PRMT9: variants seen among roughly 807,000 people sequenced by gnomAD.
The protein encoded by PRMT9 is protein arginine methyltransferase 9, also known as protein arginine N-methyltransferase 9.
In PRMT9, 59 loss-of-function variants were observed where a neutral mutation model predicts 83.2. That is an observed-to-expected ratio of 0.71 (90% CI 0.57 to 0.88). The LOEUF (loss-of-function observed/expected upper bound fraction) is 0.88, where lower values mean the gene tolerates loss of function less well. Ranked by LOEUF, PRMT9 falls within the 40% of genes least tolerant of loss-of-function variation. PRMT9 has a pLI of 0.00. For missense variants in PRMT9, 947 were observed against 1,021.9 expected, an observed-to-expected ratio of 0.93 and a Z score of 1.00; for synonymous variants, 333 against 353.2, an observed-to-expected ratio of 0.94 and a Z score of 0.64.
intron 8 of PRMT9, 38 bp downstream of exon 8, chr4:147,657,754 A>T: frequency 1.3e-6 from 2 of 1,522,646 alleles, no homozygotes; most frequent in Middle Eastern, 1.7e-4. Flanking sequence ...TTAGAAGATT[A>T]AAGCAAGAGG....
intron 8 of PRMT9, among the ~76,000 whole-genome samples, chr4:147,655,590 C>A (rs1432852741): frequency 6.6e-6 from 1 of 152,088 alleles, no homozygotes; most frequent in Non-Finnish European, 1.5e-5. Context: ...TGCTTTGTTG[C>A]CTAGGCGGGA....
At chr4:147,679,360 C>G (rs978300057) in intron 2 of PRMT9, among the ~76,000 whole-genome samples, 33 of 152,112 alleles carry the variant, frequency 2.2e-4, no homozygotes, top group African/African-American at 7.5e-4. Flanking sequence ...GAGGTGAGAT[C>G]ACCAGAGCCT....
At chr4:147,675,245 G>A (rs932434015) in intron 2 of PRMT9, among the ~76,000 whole-genome samples, 1 of 152,118 alleles carries the variant, frequency 6.6e-6, no homozygotes, top group Non-Finnish European at 1.5e-5. Flanking sequence ...CTCCCAAAGT[G>A]CTGAGATTAC....
intron 4 of PRMT9, among the ~76,000 whole-genome samples, chr4:147,672,215 G>T (rs964700658): frequency 6.6e-6 from 1 of 152,180 alleles, no homozygotes; most frequent in Non-Finnish European, 1.5e-5. Context: ...ACTATGTTAA[G>T]ATAAATACTA....
intron 9 of PRMT9, among the ~76,000 whole-genome samples, chr4:147,645,282 A>ATTATCTCAATT (rs1413266158): frequency 5.1e-4 from 77 of 152,308 alleles, no homozygotes; most frequent in African/African-American, 1.8e-3. Context: ...TACTAAACTG[A>ATTATCTCAATT]TTATCTCAAT....
chr4:147,644,301 T>G (rs374822841), intron 9 of PRMT9, among the ~76,000 whole-genome samples: 1 of 151,714 alleles, frequency 6.6e-6, no homozygotes, highest in South Asian at 2.1e-4. Flanking sequence ...GTTCTTTGTA[T>G]TATTCTTTAA....
At chr4:147,675,313 T>C (rs1463917493) in intron 2 of PRMT9, among the ~76,000 whole-genome samples, 1 of 152,150 alleles carries the variant, frequency 6.6e-6, no homozygotes, top group Admixed American at 6.5e-5. Flanking sequence ...ATTCCAGGTA[T>C]GGTTTAAGCA....
chr4:147,645,431 G>C (rs1182881838), intron 9 of PRMT9, among the ~76,000 whole-genome samples: 5 of 152,142 alleles, frequency 3.3e-5, no homozygotes, highest in South Asian at 2.1e-4. Flanking sequence ...TGGGGTAATG[G>C]AAAATTTTAA....
chr4:147,656,746 TG>T lies in PRMT9; in HGVS notation c.1330+1045del, dbSNP rs1734515405. Among the ~76,000 whole-genome samples, 4 of 113,364 alleles carry T rather than the reference TG, an allele frequency of 3.5e-5. No homozygotes were observed. The South Asian group carries it at 1.2e-3, about 35-fold the overall frequency. The allele number at this position is 113,364 out of a possible 152,430, so 74.4% of individuals were successfully genotyped here. ...GAGATTGCGCCACTGCACTCCAGCCTGGGCAACAGAGCGAGACTCTGTCTCA... is the reference window on the plus strand; with the variant it reads ...GAGATTGCGCCACTGCACTCCAGCCTGGCAACAGAGCGAGACTCTGTCTCA... On this transcript the variant is annotated intron_variant, in intron 8 of 11. Coordinates refer to ENST00000322396, the MANE Select transcript of PRMT9 (RefSeq NM_138364.4).
rs371998541 is a variant in PRMT9, at chr4:147,673,097, G to A, written c.605C>T (p.Ser202Phe). Residue 202 changes from serine (S) to phenylalanine (F), a missense_variant, in exon 4 of 12, where the codon TCC becomes TTC. By Grantham distance (155) the Ser-to-Phe change is radical. Transcript: ENST00000322396. ...SMFAKKAGAH[S>F]VYACELSKTM... Reference sequence around the variant, plus strand: ...CTTGGATAACTCACAGGCATACACGGAATGTGCTCCAGCTTTTTTAGCAAA... The same window carrying A: ...CTTGGATAACTCACAGGCATACACGAAATGTGCTCCAGCTTTTTTAGCAAA... The A allele has an allele frequency of 3.1e-6, 5 of 1,613,822 alleles. No individual in the cohort carries two copies.
chr4:147,645,712 G>GTC (rs1733682633), intron 9 of PRMT9, among the ~76,000 whole-genome samples: 1 of 152,146 alleles, frequency 6.6e-6, no homozygotes, highest in African/African-American at 2.4e-5. Context: ...CAAGGAAACA[G>GTC]TCTGCTCTTG....
chr4:147,639,483 A>G (rs1025149788), intron 10 of PRMT9, among the ~76,000 whole-genome samples: 1 of 152,214 alleles, frequency 6.6e-6, no homozygotes, highest in Admixed American at 6.5e-5. Context: ...ATGATGCCAG[A>G]TTCAATCAAA....
intron 7 of PRMT9, among the ~76,000 whole-genome samples, chr4:147,659,744 A>AT (rs1734821501): frequency 6.6e-6 from 1 of 151,604 alleles, no homozygotes; most frequent in African/African-American, 2.4e-5. Context: ...CACCCAGCTA[A>AT]TTTTTTGTAT....
chr4:147,658,428 A>G (rs150470282), intron 7 of PRMT9, among the ~76,000 whole-genome samples: 77 of 152,218 alleles, frequency 5.1e-4, no homozygotes, highest in Non-Finnish European at 9.4e-4. Context: ...GATGTACTTC[A>G]AACTAGTGAC....
intron 8 of PRMT9, 25 bp downstream of exon 8, chr4:147,657,767 A>C: frequency 1.9e-6 from 1 of 536,322 alleles, no homozygotes; most frequent in Non-Finnish European, 2.7e-6. Context: ...GCAAGAGGTT[A>C]AAAAAAAAAA....
At chr4:147,639,309 G>C (rs1733225382) in intron 10 of PRMT9, 1 of 456,110 alleles carries the variant, frequency 2.2e-6, no homozygotes, top group South Asian at 2.2e-5. Flanking sequence ...AACAAACCAA[G>C]GTTTAGGCAG....
intron 9 of PRMT9, among the ~76,000 whole-genome samples, chr4:147,646,327 T>C (rs1206784042): frequency 1.3e-5 from 2 of 152,144 alleles, no homozygotes; most frequent in Non-Finnish European, 2.9e-5. Context: ...GCCACAGAAC[T>C]TTATGTTGCT....
intron 5 of PRMT9, among the ~76,000 whole-genome samples, chr4:147,669,083 C>T (rs1405448357): frequency 1.3e-5 from 2 of 151,038 alleles, no homozygotes; most frequent in Non-Finnish European, 2.9e-5. Context: ...AAGACTCCAT[C>T]TTTAAAAAAA....
intron 10 of PRMT9, among the ~76,000 whole-genome samples, chr4:147,642,560 C>A (rs1269571923): frequency 6.6e-6 from 1 of 152,142 alleles, no homozygotes; most frequent in Non-Finnish European, 1.5e-5. Flanking sequence ...AAACTTTTAT[C>A]AGCAGTCATG....
Sources: gnomAD v4.1 joint callset for allele counts (sites outside exome capture counted in the v4.1 genomes callset) on GRCh38, gnomAD v4.1.1 for gene constraint, MANE v1.5 for transcripts, NCBI Gene and HGNC (gene_info 2026-07-23, HGNC 2026-07-21) for gene names.